The following SND1 variants were observed in gnomAD, a reference collection of about 807,000 sequenced individuals.
SND1 encodes staphylococcal nuclease domain-containing protein 1.
In SND1, 38 loss-of-function variants were observed where a neutral mutation model predicts 121.7. The observed-to-expected ratio is 0.31, with a 90% CI of 0.24 to 0.41. SND1 has a LOEUF of 0.41. Ranked by LOEUF, SND1 falls within the 10% of genes least tolerant of loss-of-function variation. The probability of loss-of-function intolerance (pLI) is 1.00; values close to 1 mark genes in which losing one functional copy is unlikely to be tolerated. For synonymous variants in SND1, 401 were observed against 447.4 expected (o/e 0.90, Z 1.31); for missense variants, 868 against 1,184.6 (o/e 0.73, Z 3.92).
At chr7:127,916,225 C>T (rs761394104) in intron 14 of SND1, among the ~76,000 whole-genome samples, 3 of 151,786 alleles carry the variant, frequency 2.0e-5, no homozygotes, top group African/African-American at 4.8e-5. Flanking sequence ...GCAATGGAGG[C>T]GGAAAGATAA....
intron 16 of SND1, among the ~76,000 whole-genome samples, chr7:127,996,498 C>G (rs1802660685): frequency 6.6e-6 from 1 of 152,156 alleles, no homozygotes; most frequent in Non-Finnish European, 1.5e-5. Flanking sequence ...CAGGCTCCTT[C>G]CCTGTTGAGG....
At chr7:127,989,867 A>G (rs984215459) in intron 15 of SND1, among the ~76,000 whole-genome samples, 10 of 152,230 alleles carry the variant, frequency 6.6e-5, no homozygotes, top group Non-Finnish European at 2.9e-5. Context: ...AGCATATTTC[A>G]TGGTCTGTCA....
chr7:127,884,670 G>A (rs924322945), intron 12 of SND1, among the ~76,000 whole-genome samples: 1 of 151,992 alleles, frequency 6.6e-6, no homozygotes, highest in Non-Finnish European at 1.5e-5. Context: ...CAGTCTGTTG[G>A]CTCTTCCCAG....
chr7:127,998,346 C>T (rs747596220), intron 16 of SND1: 26 of 183,824 alleles, frequency 1.4e-4, no homozygotes, highest in Middle Eastern at 2.4e-3. Context: ...AGGACCCTGA[C>T]CTGCCTGGGT....
At chr7:127,729,609 T>C (rs1251690623) in intron 10 of SND1, among the ~76,000 whole-genome samples, 5 of 152,198 alleles carry the variant, frequency 3.3e-5, no homozygotes, top group Admixed American at 2.6e-4. Context: ...AACATTTAAG[T>C]TCCTTGTGTA....
At chr7:127,904,095 C>G (rs1800286794) in intron 13 of SND1, among the ~76,000 whole-genome samples, 1 of 152,164 alleles carries the variant, frequency 6.6e-6, no homozygotes, top group African/African-American at 2.4e-5. Context: ...CCAGAGCTAC[C>G]ACTCAGAGGA....
chr7:128,054,537 T>C (rs1396686820), intron 16 of SND1, among the ~76,000 whole-genome samples: 1 of 152,152 alleles, frequency 6.6e-6, no homozygotes, highest in East Asian at 1.9e-4. Flanking sequence ...TGCACGGAGG[T>C]TGGCATTAGC....
At chr7:128,032,671 C>T (rs1287654623) in intron 16 of SND1, among the ~76,000 whole-genome samples, 1 of 152,144 alleles carries the variant, frequency 6.6e-6, no homozygotes, top group East Asian at 1.9e-4. Context: ...TGACTGCTGA[C>T]GGGGCGCGGA....
intron 1 of SND1, among the ~76,000 whole-genome samples, chr7:127,666,083 T>G (rs1222119215): frequency 5.9e-5 from 9 of 152,078 alleles, no homozygotes; most frequent in African/African-American, 2.2e-4. Context: ...AAAAGCTGAG[T>G]TATCTTGTTA....
chr7:127,780,605 C>T (rs1297630841), intron 10 of SND1, among the ~76,000 whole-genome samples: 2 of 152,168 alleles, frequency 1.3e-5, no homozygotes, highest in Non-Finnish European at 2.9e-5. Flanking sequence ...AAGAGAGCTT[C>T]CTTTGTAATT....
intron 8 of SND1, among the ~76,000 whole-genome samples, chr7:127,707,082 T>TA (rs1796214615): frequency 6.6e-6 from 1 of 152,232 alleles, no homozygotes; most frequent in Non-Finnish European, 1.5e-5. Flanking sequence ...TCAGTGAACT[T>TA]ATGAGGATTT....
At chr7:127,811,242 G>A (rs1477054339) in intron 11 of SND1, among the ~76,000 whole-genome samples, 1 of 152,122 alleles carries the variant, frequency 6.6e-6, no homozygotes, top group East Asian at 1.9e-4. Flanking sequence ...GGGAAGTTAT[G>A]GGGCTATAAA....
At chr7:127,803,371 T>C (rs1056046628) in intron 10 of SND1, among the ~76,000 whole-genome samples, 1 of 152,238 alleles carries the variant, frequency 6.6e-6, no homozygotes, top group African/African-American at 2.4e-5. Context: ...TCTTTGACTT[T>C]TCACTTCATT....
chr7:127,804,134 C>T (rs1211208512), intron 10 of SND1, among the ~76,000 whole-genome samples: 1 of 152,156 alleles, frequency 6.6e-6, no homozygotes, highest in Non-Finnish European at 1.5e-5. Flanking sequence ...ACCTCACTTG[C>T]CTCTTGGAGA....
chr7:127,897,400 G>C (rs975814850), intron 13 of SND1, among the ~76,000 whole-genome samples: 1 of 152,112 alleles, frequency 6.6e-6, no homozygotes, highest in Non-Finnish European at 1.5e-5. Flanking sequence ...TATGTAACAA[G>C]TATTTTATCA....
chr7:127,890,605 T>C (rs1799993175), intron 13 of SND1, among the ~76,000 whole-genome samples: 1 of 152,162 alleles, frequency 6.6e-6, no homozygotes, highest in Non-Finnish European at 1.5e-5. Context: ...AATATGTTAA[T>C]TCTGACAGGC....
At position 128,091,994 on chromosome 7, in the gene SND1, T is replaced by G. The variant is rs926899066; in HGVS notation, c.2669T>G (p.Leu890Arg). 2 of 1,614,074 alleles carry G rather than the reference T, an allele frequency of 1.2e-6. No individual in the cohort carries two copies. The highest frequency in any genetic ancestry group is 1.3e-5 in the African/African-American group (1 of 74,932). ...NAQESAKSAR[L>R]NLWRYGDFRA... The stretch of plus-strand genomic sequence containing the variant: ...GCTATTGTCTGTTTTTTCTTACAGC[T>G]GAACCTGTGGCGCTATGGAGACTTT... Residue 890 changes from leucine (L) to arginine (R), a missense_variant and splice_region_variant, in exon 24 of 24, where the codon CTG becomes CGG. This residue lies in a region of SND1 where 743 missense variants were observed against 1,071.3 expected (regional missense o/e 0.69). Transcript: ENST00000354725.
intron 1 of SND1, among the ~76,000 whole-genome samples, chr7:127,676,622 C>A (rs1454629786): frequency 1.5e-4 from 23 of 152,200 alleles, no homozygotes; most frequent in Admixed American, 1.5e-3. Flanking sequence ...GTACTTAAAT[C>A]TACTTTCCTA....
chr7:127,992,271 G>A (rs1216371380), intron 16 of SND1, among the ~76,000 whole-genome samples: 2 of 152,106 alleles, frequency 1.3e-5, no homozygotes, highest in African/African-American at 2.4e-5. Context: ...CCCCTCTCCC[G>A]TTTTGTAGTT....
Sources: gnomAD v4.1 joint callset for allele counts (sites outside exome capture counted in the v4.1 genomes callset) on GRCh38, gnomAD v4.1.1 for gene constraint, gnomAD v4.1.1 regional missense constraint, MANE v1.5 for transcripts, NCBI Gene and HGNC (gene_info 2026-07-23, HGNC 2026-07-21) for gene names.